Variants in ADGRB1 observed in about 807,000 individuals in gnomAD.
ADGRB1 encodes the protein brain-specific angiogenesis inhibitor 1.
In ADGRB1, 36 loss-of-function variants were observed where a neutral mutation model predicts 175.7. The ratio of observed to expected loss-of-function variants is 0.20; its 90% CI spans 0.16 to 0.27. The LOEUF (loss-of-function observed/expected upper bound fraction) is 0.27, where lower values mean the gene tolerates loss of function less well. Ranked by LOEUF, ADGRB1 falls within the 10% of genes least tolerant of loss-of-function variation. The pLI, the probability that ADGRB1 is intolerant of heterozygous loss-of-function variation, is 1.00. For missense variants in ADGRB1, 1,731 were observed against 2,255.3 expected, an observed-to-expected ratio of 0.77 and a Z score of 4.71; for synonymous variants, 1,054 against 979.4, an observed-to-expected ratio of 1.08 and a Z score of -1.42.
chr8:142,524,108 C>A (rs962794498), intron 22 of ADGRB1, 130 bp from the exon 23 acceptor site: 2 of 1,008,918 alleles, frequency 2.0e-6, no homozygotes, highest in African/African-American at 1.6e-5. Context: ...CCCTGCATGC[C>A]GAAGGCGCTT....
chr8:142,511,723 TG>T lies in ADGRB1; in HGVS notation c.2817+654del, dbSNP rs1843116293. Reference sequence around the variant, plus strand: ...GCCCTGGGTGCTGGGCGCAGCTCCCTGGGGCGGGTGGGCTCTCTTGCTTTGG... The same window carrying T: ...GCCCTGGGTGCTGGGCGCAGCTCCCTGGGCGGGTGGGCTCTCTTGCTTTGG... On this transcript the variant is annotated intron_variant, in intron 18 of 30. Transcript: ENST00000517894. This position sits in a 1 kb window ranked among gnomAD's most constrained non-coding sequence, Gnocchi z 4.5. Among the ~76,000 whole-genome samples the T allele has an allele frequency of 6.6e-6, 1 of 152,024 alleles. No homozygotes were observed. The highest frequency in any genetic ancestry group is 2.4e-5 in the African/African-American group (1 of 41,410).
chr8:142,481,375 C>T lies in ADGRB1; in HGVS notation c.1935+15C>T, dbSNP rs1476366495. ...TCCAGATGATGGTGAGGGCCAGTTC[C>T]CGGGGGTCTCCAACCCCTCCCCAAT... On this transcript the variant is annotated intron_variant, in intron 10 of 30. Coordinates refer to ENST00000517894, the MANE Select transcript of ADGRB1 (RefSeq NM_001702.3). 1.9e-6 allele frequency: 3 copies of T among 1,612,718 alleles called. No individual in the cohort carries two copies. The highest frequency in any genetic ancestry group is 1.7e-6 in the Non-Finnish European group (2 of 1,179,206).
intron 2 of ADGRB1, among the ~76,000 whole-genome samples, chr8:142,467,919 C>T (rs1840368040): frequency 6.6e-6 from 1 of 152,200 alleles, no homozygotes. Flanking sequence ...TATTCTTAGG[C>T]AGGGAGACTC....
At chr8:142,522,552 C>A in intron 21 of ADGRB1, 89 bp from the exon 22 acceptor site, 3 of 1,320,038 alleles carry the variant, frequency 2.3e-6, no homozygotes, top group Non-Finnish European at 2.1e-6. Context: ...GCCTGCCTGG[C>A]CCCCGCCCTT....
chr8:142,512,415 C>T lies in ADGRB1; in HGVS notation c.2817+1342C>T, dbSNP rs188760884. On this transcript the variant is annotated intron_variant, in intron 18 of 30. Coordinates refer to ENST00000517894, the MANE Select transcript of ADGRB1 (RefSeq NM_001702.3). Reference sequence around the variant, plus strand: ...ACTGGGCAGCCTTTCTGGGCCCCTTCGAAGCTGGACCAGGCAAGGCAGGGC... The same window carrying T: ...ACTGGGCAGCCTTTCTGGGCCCCTTTGAAGCTGGACCAGGCAAGGCAGGGC... 5.6e-4 allele frequency among the ~76,000 whole-genome samples: 86 copies of T among 152,286 alleles called. No homozygotes were observed. The East Asian group carries it at 0.014, about 25-fold the overall frequency.
chr8:142,539,787 C>G (rs1005305972), intron 27 of ADGRB1: 8 of 342,624 alleles, frequency 2.3e-5, no homozygotes, highest in South Asian at 8.6e-5. Context: ...GCCGCTCCCC[C>G]CCCCTGCCTC....
At chr8:142,476,489 G>C in intron 3 of ADGRB1, 96 bp from the exon 4 acceptor site, 1 of 1,122,952 alleles carries the variant, frequency 8.9e-7, no homozygotes, top group Non-Finnish European at 1.3e-6. Flanking sequence ...GTGGAGCCAG[G>C]TGGCCCAGTG....
chr8:142,526,772 A>G (rs935793909), intron 24 of ADGRB1, 145 bp downstream of exon 24: 9 of 786,702 alleles, frequency 1.1e-5, no homozygotes, highest in Non-Finnish European at 1.9e-5. Context: ...GGAGGCACTG[A>G]GTACAGAGGC....
intron 25 of ADGRB1, among the ~76,000 whole-genome samples, chr8:142,534,793 G>T (rs577676003): frequency 2.6e-5 from 4 of 152,198 alleles, no homozygotes; most frequent in Non-Finnish European, 5.9e-5. Context: ...CCTCACCTGG[G>T]AGAAGCCGCT....
chr8:142,537,590 C>T lies in ADGRB1; in HGVS notation c.3666+508C>T, dbSNP rs1180012571. Among the ~76,000 whole-genome samples the T allele has an allele frequency of 3.9e-5, 6 of 152,084 alleles. No homozygotes were observed. On this transcript the variant is annotated intron_variant, in intron 26 of 30. Transcript: ENST00000517894. This position sits in a 1 kb window ranked among gnomAD's most constrained non-coding sequence, Gnocchi z 4.6. ...CCAGTCCTCAGCCCCTGCAGGGTGA[C>T]TCTCCCTTGTGGCCCCTGGCCATCC...
chr8:142,500,187 C>T (rs936178966), intron 17 of ADGRB1, among the ~76,000 whole-genome samples: 3 of 151,596 alleles, frequency 2.0e-5, no homozygotes, highest in South Asian at 2.1e-4. Flanking sequence ...ATTTGTGTTT[C>T]GCCCCCGCCC....
chr8:142,490,637 C>T, intron 16 of ADGRB1, 135 bp from the exon 17 acceptor site: 1 of 1,048,042 alleles, frequency 9.5e-7, no homozygotes, highest in Non-Finnish European at 1.4e-6. Context: ...TTCCTCCTCG[C>T]AAAACGCAGT....
rs1278722227 is a variant in ADGRB1, at chr8:142,544,235, A to C, written c.4573A>C (p.Thr1525Pro). ...CACCCAGCAGCCGGAAAAGCAGCAG[A>C]CGCCCAACAAGAGGCCCTGGGAGAG... ...GPDSKPEKQQ[T>P]PNKRPWESLR... is the part of the protein sequence containing the mutation. The change falls in exon 31 of 31, where the codon ACG becomes CCG. Residue 1525 changes from threonine (T) to proline (P), a missense_variant. Thr to Pro is a conservative substitution (Grantham distance 38, BLOSUM62 -1). This residue lies in a region of ADGRB1 where 394 missense variants were observed against 410.2 expected (regional missense o/e 0.96). Coordinates refer to ENST00000517894, the MANE Select transcript of ADGRB1 (RefSeq NM_001702.3). 2.6e-6 allele frequency: 4 copies of C among 1,548,716 alleles called. No individual in the cohort carries two copies. Among genetic ancestry groups the C allele is most frequent in the Non-Finnish European group, 2.6e-6 (3 of 1,146,614 alleles).
rs1474294386 is a variant in ADGRB1, at chr8:142,492,878, A to T, written c.2675+2063A>T. 6.6e-6 allele frequency among the ~76,000 whole-genome samples: 1 copy of T among 151,424 alleles called. No individual in the cohort carries two copies. Among genetic ancestry groups the T allele is most frequent in the African/African-American group, 2.4e-5 (1 of 41,108 alleles). On this transcript the variant is annotated intron_variant, in intron 17 of 30. Coordinates refer to ENST00000517894, the MANE Select transcript of ADGRB1 (RefSeq NM_001702.3). This position sits in a 1 kb window ranked among gnomAD's most constrained non-coding sequence, Gnocchi z 4.4. ...TCACCCCCACAGCCCCAGCACTTCC[A>T]CCAGCACAGGCCCCTCCCCACAGTG... is the stretch of plus-strand genomic sequence containing the variant.
At chr8:142,500,771 G>A (rs1274431044) in intron 17 of ADGRB1, among the ~76,000 whole-genome samples, 2 of 152,150 alleles carry the variant, frequency 1.3e-5, no homozygotes, top group Admixed American at 6.5e-5. Context: ...GAGTGGCCCT[G>A]AGTGTCCATT....
rs774397625 is a variant in ADGRB1 at position 142,464,609 on chromosome 8, G to C, written c.411G>C (p.Gln137His). Reference protein sequence around the residue: ...CDPSAPLAFLQASKQFLQMRR... With the variant: ...CDPSAPLAFLHASKQFLQMRR... ...CCTCCGCACCCCTGGCCTTCCTGCA[G>C]GCCAGCAAGCAGTTCCTGCAGATGC... The change falls in exon 2 of 31, where the codon CAG (glutamine) becomes CAC (histidine). Residue 137 changes from glutamine (Q) to histidine (H), a missense_variant. Physicochemically the swap from Gln to His is conservative, Grantham distance 24. This residue lies in a region of ADGRB1 where 383 missense variants were observed against 383.1 expected (regional missense o/e 1.00). Coordinates refer to ENST00000517894, the MANE Select transcript of ADGRB1 (RefSeq NM_001702.3). 6.6e-7 allele frequency: 1 copy of C among 1,524,564 alleles called. No individual in the cohort carries two copies. 94.4% of individuals were successfully genotyped at this position (1,524,564 alleles called of 1,614,324 possible).
chr8:142,469,666 T>C (rs369043164), intron 2 of ADGRB1, among the ~76,000 whole-genome samples: 91 of 151,346 alleles, frequency 6.0e-4, no homozygotes, highest in African/African-American at 2.1e-3. Flanking sequence ...CAAGTGCGTG[T>C]GTGTGCACGT....
intron 20 of ADGRB1, 26 bp from the exon 21 acceptor site, chr8:142,521,939 C>G: frequency 6.4e-7 from 1 of 1,561,268 alleles, no homozygotes; most frequent in Non-Finnish European, 8.6e-7. Context: ...ACCTGCCCAG[C>G]CTGCCCCGCC....
chr8:142,468,193 C>T (rs1397242559), intron 2 of ADGRB1, among the ~76,000 whole-genome samples: 3 of 151,618 alleles, frequency 2.0e-5, no homozygotes, highest in Admixed American at 2.0e-4. Flanking sequence ...TGGGTGCCCC[C>T]ATGTAAGTGT....
Sources: gnomAD v4.1 joint callset for allele counts (sites outside exome capture counted in the v4.1 genomes callset) on GRCh38, gnomAD v4.1.1 for gene constraint, gnomAD v4.1.1 regional missense constraint, Gnocchi (gnomAD v3.1) non-coding constraint, MANE v1.5 for transcripts, NCBI Gene and HGNC (gene_info 2026-07-23, HGNC 2026-07-21) for gene names.